RAD52: variants seen among roughly 807,000 people sequenced by gnomAD.
The protein encoded by RAD52 is DNA repair protein RAD52 homolog.
Under a neutral mutation model 55.5 loss-of-function variants are expected in RAD52, and 47 were observed. That is an observed-to-expected ratio of 0.85 (90% CI 0.67 to 1.08). RAD52 has a LOEUF of 1.08. RAD52 is among the 50% of genes least tolerant of loss of function. The probability of loss-of-function intolerance (pLI) is 0.00; values close to 1 mark genes in which losing one functional copy is unlikely to be tolerated. For synonymous variants in RAD52, 184 were observed against 198.9 expected (o/e 0.92, Z 0.63); for missense variants, 468 against 522.8 (o/e 0.90, Z 1.02).
intron 5 of RAD52, among the ~76,000 whole-genome samples, chr12:927,949 C>A (rs531723608): frequency 2.0e-5 from 3 of 152,064 alleles, no homozygotes; most frequent in Non-Finnish European, 4.4e-5. Context: ...GGAGAGCAAA[C>A]CCTTTGTAAA....
At position 911,802 on chromosome 12, in the gene RAD52, C is replaced by A. The variant is rs1394516123; in HGVS notation, c.*1589G>T. On this transcript the variant is annotated 3_prime_UTR_variant, in exon 12 of 12. Coordinates refer to ENST00000358495, the MANE Select transcript of RAD52 (RefSeq NM_134424.4). ...CTTTGGGAGGCCGAGGTGGGCAGAT[C>A]ACTTGAGGTCAGTTTGAGACCAGCC... 1.3e-5 allele frequency among the ~76,000 whole-genome samples: 2 copies of A among 152,150 alleles called. No homozygotes were observed. Among genetic ancestry groups the A allele is most frequent in the Non-Finnish European group, 2.9e-5 (2 of 68,028 alleles).
chr12:966,805 T>C (rs185379490), intron 1 of RAD52, among the ~76,000 whole-genome samples: 1 of 152,022 alleles, frequency 6.6e-6, no homozygotes, highest in African/African-American at 2.4e-5. Flanking sequence ...AGACCAAGTA[T>C]GTTAGACATT....
At chr12:943,775 T>C (rs1449271183) in intron 1 of RAD52, among the ~76,000 whole-genome samples, 1 of 146,388 alleles carries the variant, frequency 6.8e-6, no homozygotes, top group South Asian at 2.2e-4. Flanking sequence ...TCTTTGTGTG[T>C]GTGGTTTTTT....
chr12:944,223 G>A (rs1210580705), intron 1 of RAD52, among the ~76,000 whole-genome samples: 7 of 150,786 alleles, frequency 4.6e-5, no homozygotes, highest in African/African-American at 1.5e-4. Flanking sequence ...CAAAAAAAAA[G>A]AAAGAAAGAA....
In RAD52 at chr12:913,083, A is replaced by G; in HGVS notation, c.*308T>C. On this transcript the variant is annotated 3_prime_UTR_variant, in exon 12 of 12. Coordinates refer to ENST00000358495, the MANE Select transcript of RAD52 (RefSeq NM_134424.4). Reference sequence around the variant, plus strand: ...GCTTGAGGGCAAGGAGCCATTGGTGATTCCTAAAATGTCCATCTTCATTAA... The same window carrying G: ...GCTTGAGGGCAAGGAGCCATTGGTGGTTCCTAAAATGTCCATCTTCATTAA... 1 of 200,254 alleles carries G rather than the reference A, an allele frequency of 5.0e-6. No individual in the cohort carries two copies. The highest frequency in any genetic ancestry group is 9.2e-6 in the Non-Finnish European group (1 of 108,650). The allele number at this position is 200,254 out of a possible 1,614,324, so 12.4% of individuals were successfully genotyped here. A position where few individuals can be genotyped will look rare whatever the true frequency, so the allele number is the denominator to read the frequency against.
In RAD52 at chr12:912,351, T is replaced by C. The variant is rs11571483; in HGVS notation, c.*1040A>G. 0.013 allele frequency: 2,608 copies of C among 201,646 alleles called. 73 individuals carry two copies. The highest frequency in any genetic ancestry group is 0.055 in the African/African-American group (2,402 of 43,606). The allele number at this position is 201,646 out of a possible 1,614,324, so 12.5% of individuals were successfully genotyped here. On this transcript the variant is annotated 3_prime_UTR_variant, in exon 12 of 12. Coordinates refer to ENST00000358495, the MANE Select transcript of RAD52 (RefSeq NM_134424.4). ...TCTTCAGCTGCAGTGTATCTTCTTATACAAAAACTCTGTTTCATGCACAAA... is the reference window on the plus strand; with the variant it reads ...TCTTCAGCTGCAGTGTATCTTCTTACACAAAAACTCTGTTTCATGCACAAA...
At chr12:977,441 T>C (rs1201704172) in intron 1 of RAD52, among the ~76,000 whole-genome samples, 1 of 152,190 alleles carries the variant, frequency 6.6e-6, no homozygotes, top group Non-Finnish European at 1.5e-5. Context: ...CCATGTCCCC[T>C]GAGGAAGGTC....
chr12:943,596 G>A (rs1423307246), intron 1 of RAD52, among the ~76,000 whole-genome samples: 1 of 152,038 alleles, frequency 6.6e-6, no homozygotes, highest in Admixed American at 6.6e-5. Context: ...TGATCCCCCC[G>A]CCTCGGCCTC....
intron 1 of RAD52, among the ~76,000 whole-genome samples, chr12:949,107 G>A (rs1958421175): frequency 6.6e-6 from 1 of 152,238 alleles, no homozygotes; most frequent in East Asian, 1.9e-4. Context: ...CCGGGACGGA[G>A]TGTCGTGGTA....
intron 7 of RAD52, 114 bp from the exon 8 acceptor site, chr12:916,934 C>T: frequency 2.1e-6 from 3 of 1,422,604 alleles, no homozygotes; most frequent in Non-Finnish European, 2.8e-6. Context: ...CTCCATCCAT[C>T]ACGCCTTCTA....
At chr12:969,539 C>T (rs987620712) in intron 1 of RAD52, among the ~76,000 whole-genome samples, 1 of 152,006 alleles carries the variant, frequency 6.6e-6, no homozygotes, top group East Asian at 1.9e-4. Flanking sequence ...GTAATTCCAA[C>T]ACCTTGGGAG....
intron 1 of RAD52, among the ~76,000 whole-genome samples, chr12:937,878 C>T (rs1426916583): frequency 6.6e-6 from 1 of 152,166 alleles, no homozygotes. Context: ...ACCACCCTGG[C>T]AGCAGCCCTC....
intron 1 of RAD52, among the ~76,000 whole-genome samples, chr12:987,024 G>A (rs548366799): frequency 1.5e-4 from 23 of 152,002 alleles, no homozygotes; most frequent in African/African-American, 2.7e-4. Context: ...AGGCTGGAGC[G>A]CAATGGCACA....
At chr12:973,747 C>T (rs531480060) in intron 1 of RAD52, among the ~76,000 whole-genome samples, 1 of 143,712 alleles carries the variant, frequency 7.0e-6, no homozygotes, top group African/African-American at 2.6e-5. Flanking sequence ...CCAAAATGTT[C>T]GGATTACAGG....
intron 1 of RAD52, among the ~76,000 whole-genome samples, chr12:965,964 A>C (rs4409902): frequency 6.6e-6 from 1 of 151,784 alleles, no homozygotes; most frequent in Non-Finnish European, 1.5e-5. Flanking sequence ...GATTACAGGC[A>C]TGAACCACTG....
rs538568245 is a variant in RAD52, at chr12:964,726, A to G, written c.-19+25083T>C. On this transcript the variant is annotated intron_variant, in intron 1 of 11. Coordinates refer to the RAD52 transcript ENST00000430095. ...CCCAAAAAGCTGGAACCACAGGCGC[A>G]TGCACTACGCCCAGCTAATTTTTTT... Among the ~76,000 whole-genome samples the G allele has an allele frequency of 2.0e-5, 3 of 152,086 alleles. 1 individual carries two copies. Among genetic ancestry groups the G allele is most frequent in the East Asian group, 1.9e-4 (1 of 5,178 alleles).
Position 926,949 on chromosome 12 carries a change from GAA to G in RAD52, c.467+194_467+195del, listed in dbSNP as rs767292277. On this transcript the variant is annotated intron_variant, in intron 6 of 11. Coordinates refer to ENST00000358495, the MANE Select transcript of RAD52 (RefSeq NM_134424.4). Reference sequence around the variant, plus strand: ...CACTTACTCCCAGCAAGGGAAGCCTGAAACAGAAACATTGAAAAAATACTAAC... The same window carrying G: ...CACTTACTCCCAGCAAGGGAAGCCTGACAGAAACATTGAAAAAATACTAAC... The G allele has an allele frequency of 1.9e-6, 3 of 1,541,496 alleles. No individual in the cohort carries two copies. The South Asian group carries it at 3.5e-5, about 18-fold the overall frequency.
chr12:963,551 T>A (rs146110823), intron 1 of RAD52, among the ~76,000 whole-genome samples: 3 of 152,216 alleles, frequency 2.0e-5, no homozygotes, highest in Non-Finnish European at 2.9e-5. Context: ...GGTATAGCTT[T>A]CCACTGATTC....
At chr12:918,956 A>G (rs918163925) in intron 7 of RAD52, among the ~76,000 whole-genome samples, 1 of 152,158 alleles carries the variant, frequency 6.6e-6, no homozygotes, top group African/African-American at 2.4e-5. Flanking sequence ...GTACAATTCC[A>G]CTTACAGTAC....
Sources: allele counts gnomAD v4.1 joint callset (sites outside exome capture counted in the v4.1 genomes callset), GRCh38; gene constraint gnomAD v4.1.1; transcripts MANE v1.5; gene names NCBI Gene and HGNC (gene_info 2026-07-23, HGNC 2026-07-21).